Variants in NEGR1 observed in about 807,000 individuals in gnomAD.
NEGR1 encodes IgLON family member 4.
In NEGR1, 10 loss-of-function variants were observed where a neutral mutation model predicts 40.9. The observed-to-expected ratio is 0.24, with a 90% CI of 0.15 to 0.42. The LOEUF (loss-of-function observed/expected upper bound fraction) is 0.42, where lower values mean the gene tolerates loss of function less well. Among genes scored for constraint, NEGR1 ranks in the 10% least tolerant of loss-of-function variants. NEGR1 has a pLI of 1.00. For synonymous variants in NEGR1, 185 were observed against 166.8 expected (o/e 1.11, Z -0.84); for missense variants, 352 against 438.9 (o/e 0.80, Z 1.77).
intron 2 of NEGR1, among the ~76,000 whole-genome samples, chr1:71,903,611 G>T (rs1661198657): frequency 1.3e-5 from 2 of 151,782 alleles, no homozygotes; most frequent in South Asian, 4.1e-4. Flanking sequence ...TATGGATTTT[G>T]CTGTGTCCAA....
At chr1:71,866,499 T>C (rs1660117522) in intron 2 of NEGR1, among the ~76,000 whole-genome samples, 1 of 152,220 alleles carries the variant, frequency 6.6e-6, no homozygotes, top group South Asian at 2.1e-4. Flanking sequence ...TTGAATAATG[T>C]AAACTGTACT....
intron 1 of NEGR1, among the ~76,000 whole-genome samples, chr1:72,243,244 C>A (rs1364999345): frequency 1.3e-5 from 2 of 151,646 alleles, no homozygotes; most frequent in African/African-American, 2.4e-5. Context: ...TGAATGTGTT[C>A]ATACAAATAC....
At chr1:71,524,054 T>C (rs1397375373) in intron 6 of NEGR1, among the ~76,000 whole-genome samples, 1 of 151,866 alleles carries the variant, frequency 6.6e-6, no homozygotes, top group Non-Finnish European at 1.5e-5. Flanking sequence ...TTAAAATATA[T>C]GCATGCCTAC....
In NEGR1 at chr1:72,186,728, G is replaced by A. The variant is rs531043075; in HGVS notation, c.176+95591C>T. Among the ~76,000 whole-genome samples the A allele has an allele frequency of 3.3e-5, 5 of 151,700 alleles. No individual in the cohort carries two copies. In the East Asian group the frequency reaches 7.8e-4, roughly 24 times the overall value. ...TAATGTTAGAATTTCATTGCGTTCT[G>A]TGTTAAGAATCTACTGCTTCTTTTA... On this transcript the variant is annotated intron_variant, in intron 1 of 6. Coordinates refer to ENST00000357731, the MANE Select transcript of NEGR1 (RefSeq NM_173808.3).
chr1:72,181,157 C>T (rs1652352250), intron 1 of NEGR1, among the ~76,000 whole-genome samples: 2 of 152,158 alleles, frequency 1.3e-5, no homozygotes, highest in South Asian at 2.1e-4. Context: ...GTTTATTTGA[C>T]ATTGAATGTC....
chr1:71,731,764 A>T (rs1405665254), intron 3 of NEGR1, among the ~76,000 whole-genome samples: 1 of 152,200 alleles, frequency 6.6e-6, no homozygotes, highest in Non-Finnish European at 1.5e-5. Flanking sequence ...TTCTGACTCC[A>T]CAGGCTTTGC....
At chr1:71,633,359 T>C (rs1459506752) in intron 4 of NEGR1, among the ~76,000 whole-genome samples, 2 of 152,170 alleles carry the variant, frequency 1.3e-5, no homozygotes, top group African/African-American at 2.4e-5. Flanking sequence ...TAATTTAAAC[T>C]GAGCAATTCC....
intron 2 of NEGR1, among the ~76,000 whole-genome samples, chr1:71,789,676 GTT>G (rs1019224436): frequency 6.6e-6 from 1 of 152,028 alleles, no homozygotes; most frequent in Non-Finnish European, 1.5e-5. Context: ...ATCAGATTCT[GTT>G]TTTAAAAACT....
chr1:71,748,876 CA>C (rs1017526283), intron 3 of NEGR1, among the ~76,000 whole-genome samples: 10 of 149,272 alleles, frequency 6.7e-5, no homozygotes, highest in South Asian at 6.4e-4. Flanking sequence ...ACAGGAGGAA[CA>C]AAAAAAAATT....
chr1:72,141,759 C>G (rs1413480872), intron 1 of NEGR1, among the ~76,000 whole-genome samples: 1 of 151,942 alleles, frequency 6.6e-6, no homozygotes, highest in Non-Finnish European at 1.5e-5. Context: ...TGGAAACATA[C>G]AAATTACATT....
intron 1 of NEGR1, among the ~76,000 whole-genome samples, chr1:72,001,943 A>C (rs1646561546): frequency 6.6e-6 from 1 of 152,060 alleles, no homozygotes; most frequent in African/African-American, 2.4e-5. Flanking sequence ...CAAAAAATCA[A>C]CCTGAAAACT....
intron 1 of NEGR1, among the ~76,000 whole-genome samples, chr1:71,950,763 A>G (rs1471971253): frequency 6.6e-6 from 1 of 151,954 alleles, no homozygotes; most frequent in Non-Finnish European, 1.5e-5. Flanking sequence ...TTGTCTTTGT[A>G]GTCAATACTA....
chr1:71,895,653 A>G (rs991077594), intron 2 of NEGR1, among the ~76,000 whole-genome samples: 1 of 152,224 alleles, frequency 6.6e-6, no homozygotes. Flanking sequence ...GCCAAATAAT[A>G]GTCCATTCTA....
chr1:71,531,219 T>C (rs754510159), intron 6 of NEGR1, among the ~76,000 whole-genome samples: 2 of 151,218 alleles, frequency 1.3e-5, no homozygotes, highest in Non-Finnish European at 3.0e-5. Context: ...AGTCAGAAAA[T>C]ATGCTATTAC....
chr1:71,501,788 C>T (rs1350501179), intron 6 of NEGR1, among the ~76,000 whole-genome samples: 1 of 152,136 alleles, frequency 6.6e-6, no homozygotes, highest in African/African-American at 2.4e-5. Flanking sequence ...ATATGTAAAG[C>T]TCTTTTATAT....
intron 6 of NEGR1, among the ~76,000 whole-genome samples, chr1:71,543,365 C>T (rs1232573115): frequency 6.6e-6 from 1 of 151,724 alleles, no homozygotes; most frequent in South Asian, 2.1e-4. Context: ...AGTTCTATTA[C>T]GAAGTGCCAA....
chr1:71,562,083 G>T (rs374652457), intron 6 of NEGR1, among the ~76,000 whole-genome samples: 15 of 151,754 alleles, frequency 9.9e-5, no homozygotes, highest in Admixed American at 8.6e-4. Context: ...ACTTATTAAA[G>T]TTCTTTATCT....
At chr1:71,969,285 G>A (rs1447312064) in intron 1 of NEGR1, among the ~76,000 whole-genome samples, 1 of 152,098 alleles carries the variant, frequency 6.6e-6, no homozygotes, top group Non-Finnish European at 1.5e-5. Flanking sequence ...AAAGTGCTGG[G>A]ATTACAGGCA....
chr1:72,277,714 C>G (rs1161615499), intron 1 of NEGR1, among the ~76,000 whole-genome samples: 1 of 152,048 alleles, frequency 6.6e-6, no homozygotes. Context: ...GATTTTAAAA[C>G]TATTTCTTCA....
Sources: gnomAD v4.1 joint callset for allele counts (sites outside exome capture counted in the v4.1 genomes callset) on GRCh38, gnomAD v4.1.1 for gene constraint, MANE v1.5 for transcripts, NCBI Gene and HGNC (gene_info 2026-07-23, HGNC 2026-07-21) for gene names.